Variants in DARS1 observed in about 807,000 individuals in gnomAD.
The protein encoded by DARS1 is aspartyl-tRNA synthetase 1.
In DARS1, 51 loss-of-function variants were observed where a neutral mutation model predicts 68.8. That is an observed-to-expected ratio of 0.74 (90% CI 0.59 to 0.94). The LOEUF (loss-of-function observed/expected upper bound fraction) is 0.94. Ranked by LOEUF, DARS1 falls within the 40% of genes least tolerant of loss-of-function variation. The pLI, the probability that DARS1 is intolerant of heterozygous loss-of-function variation, is 0.00. For synonymous variants in DARS1, 203 were observed against 190.4 expected (o/e 1.07, Z -0.55); for missense variants, 607 against 597.3 (o/e 1.02, Z -0.17).
chr2:135,982,461 C>T (rs309115), intron 2 of DARS1, among the ~76,000 whole-genome samples: 3,446 of 151,488 alleles, frequency 0.023, 108 homozygotes, highest in African/African-American at 0.078. Flanking sequence ...TGAGGCGTGG[C>T]GGTGTGCGCC....
chr2:135,957,241 T>C (rs889429368), intron 4 of DARS1, among the ~76,000 whole-genome samples: 1 of 151,890 alleles, frequency 6.6e-6, no homozygotes, highest in African/African-American at 2.4e-5. Flanking sequence ...ATTTTTTTTT[T>C]TTTTGAGACG....
intron 4 of DARS1, among the ~76,000 whole-genome samples, chr2:135,957,113 G>A (rs545758567): frequency 6.6e-6 from 1 of 152,076 alleles, no homozygotes; most frequent in African/African-American, 2.4e-5. Context: ...TGCCCAAGCT[G>A]GACTGCGGTG....
rs1326132904 is a variant in DARS1, at chr2:135,922,856, C to T, written c.739G>A (p.Ala247Thr). Residue 247 changes from alanine to threonine, a missense_variant, in exon 9 of 16, where the codon GCT becomes ACT. Ala to Thr is a moderately conservative substitution (Grantham distance 58). Coordinates refer to ENST00000264161, the MANE Select transcript of DARS1 (RefSeq NM_001349.4). ...VSYFKNNAYL[A>T]QSPQLYKQMC... ...TGCTTATATAGCTGTGGGGACTGAG[C>T]CAGGTATGCATTATTTTTAAAATAT... The T allele has an allele frequency of 1.3e-6, 2 of 1,585,574 alleles. No homozygotes were observed. Among genetic ancestry groups the T allele is most frequent in the Non-Finnish European group, 8.6e-7 (1 of 1,166,752 alleles).
Position 135,907,238 on chromosome 2 carries a change from C to CTTTTTTTTTTTTT in DARS1, c.*77_*78insAAAAAAAAAAAAA, listed in dbSNP as rs869183598. On this transcript the variant is annotated 3_prime_UTR_variant, in exon 16 of 16. Transcript: ENST00000264161. ...AGGTTACTGAAAAGAATAAGTGTGG[C>CTTTTTTTTTTTTT]TTTCTTTTTTTTTTTTTTTTTTTGA... The CTTTTTTTTTTTTT allele has an allele frequency of 1.9e-4, 135 of 725,202 alleles. 6 individuals are homozygous for CTTTTTTTTTTTTT. Among genetic ancestry groups the CTTTTTTTTTTTTT allele is most frequent in the Middle Eastern group, 1.3e-3 (3 of 2,308 alleles). The allele number at this position is 725,202 out of a possible 1,614,324, so 44.9% of individuals were successfully genotyped here.
intron 3 of DARS1, among the ~76,000 whole-genome samples, chr2:135,978,068 T>C (rs1682537586): frequency 7.5e-6 from 1 of 133,262 alleles, no homozygotes; most frequent in Non-Finnish European, 1.5e-5. Context: ...ACTTGAACCC[T>C]GGAGGCAGAG....
At chr2:135,950,536 G>T (rs922393602) in intron 4 of DARS1, among the ~76,000 whole-genome samples, 2 of 152,136 alleles carry the variant, frequency 1.3e-5, no homozygotes, top group African/African-American at 2.4e-5. Context: ...TTAAGCAACA[G>T]AACTCACTAG....
At chr2:135,913,857 C>T (rs1338223242) in intron 12 of DARS1, among the ~76,000 whole-genome samples, 2 of 152,154 alleles carry the variant, frequency 1.3e-5, no homozygotes, top group Non-Finnish European at 2.9e-5. Context: ...GAAACTGGCT[C>T]TGCTGAAACA....
chr2:135,922,969 T>A (rs544624851), intron 8 of DARS1, 51 bp from the exon 9 acceptor site: 2 of 1,377,410 alleles, frequency 1.5e-6, no homozygotes, highest in Non-Finnish European at 1.9e-6. Context: ...TGTAAACTTA[T>A]CAATGCAAAC....
chr2:135,950,060 G>A (rs561482062), intron 4 of DARS1, among the ~76,000 whole-genome samples: 14 of 152,240 alleles, frequency 9.2e-5, no homozygotes, highest in South Asian at 4.1e-4. Flanking sequence ...ATTTTTAATA[G>A]CACAGTCCTT....
intron 3 of DARS1, among the ~76,000 whole-genome samples, chr2:135,970,026 C>G (rs1333261759): frequency 1.3e-5 from 2 of 152,128 alleles, no homozygotes; most frequent in Non-Finnish European, 2.9e-5. Context: ...ACAGCACAGT[C>G]TTCTTGTGCT....
intron 14 of DARS1, 82 bp from the exon 15 acceptor site, chr2:135,911,292 G>T: frequency 2.3e-6 from 2 of 859,360 alleles, no homozygotes; most frequent in Non-Finnish European, 4.0e-6. Context: ...GTTCAATGGA[G>T]ATTTTTAAAA....
intron 11 of DARS1, chr2:135,914,981 C>G (rs1680974813): frequency 6.6e-6 from 1 of 152,314 alleles, no homozygotes; most frequent in African/African-American, 2.4e-5. Context: ...GCTACTTCAG[C>G]TTCTATCTTA....
At chr2:135,966,920 G>A (rs908110839) in intron 3 of DARS1, among the ~76,000 whole-genome samples, 9 of 152,188 alleles carry the variant, frequency 5.9e-5, no homozygotes, top group African/African-American at 2.2e-4. Context: ...AAGTTTATAT[G>A]GATGTAGTGT....
At chr2:135,927,708 C>T (rs1681255622) in intron 7 of DARS1, among the ~76,000 whole-genome samples, 1 of 152,044 alleles carries the variant, frequency 6.6e-6, no homozygotes, top group South Asian at 2.1e-4. Context: ...AAGCAGAAAA[C>T]TAATTTTTCT....
At chr2:135,964,153 TA>T (rs1451367373) in intron 3 of DARS1, among the ~76,000 whole-genome samples, 3 of 152,190 alleles carry the variant, frequency 2.0e-5, no homozygotes, top group Admixed American at 1.3e-4. Context: ...GAAAAAGTGA[TA>T]AAACCATATG....
At chr2:135,950,688 T>G (rs184127016) in intron 4 of DARS1, among the ~76,000 whole-genome samples, 2 of 152,336 alleles carry the variant, frequency 1.3e-5, no homozygotes, top group African/African-American at 4.8e-5. Flanking sequence ...AATGAGATCC[T>G]GAAGAGGTCA....
chr2:135,934,795 A>T (rs943088501), intron 5 of DARS1, among the ~76,000 whole-genome samples: 4 of 138,442 alleles, frequency 2.9e-5, no homozygotes, highest in East Asian at 4.2e-4. Context: ...ACTTGCTATC[A>T]TTTTTTTTTT....
intron 3 of DARS1, among the ~76,000 whole-genome samples, chr2:135,975,500 A>T (rs1242786032): frequency 1.3e-5 from 2 of 152,064 alleles, no homozygotes; most frequent in South Asian, 2.1e-4. Flanking sequence ...TTCCTCATAA[A>T]AACAAATCTG....
At chr2:135,937,955 G>T (rs1681505929) in intron 5 of DARS1, among the ~76,000 whole-genome samples, 1 of 152,134 alleles carries the variant, frequency 6.6e-6, no homozygotes, top group Non-Finnish European at 1.5e-5. Flanking sequence ...TGGTGAATCT[G>T]ACAATTGTGT....
Sources: allele counts gnomAD v4.1 joint callset (sites outside exome capture counted in the v4.1 genomes callset), GRCh38; gene constraint gnomAD v4.1.1; transcripts MANE v1.5; gene names NCBI Gene and HGNC (gene_info 2026-07-23, HGNC 2026-07-21).